The following TRAPPC12 variants were observed in gnomAD, a reference collection of about 807,000 sequenced individuals.
The protein encoded by TRAPPC12 is trafficking protein particle complex subunit 12, also known as TPR repeat protein 15.
Under a neutral mutation model 69.2 loss-of-function variants are expected in TRAPPC12, and 61 were observed. That is an observed-to-expected ratio of 0.88 (90% confidence interval 0.72 to 1.09). The LOEUF (loss-of-function observed/expected upper bound fraction) is 1.09, where lower values mean the gene tolerates loss of function less well. TRAPPC12 is among the 50% of genes least tolerant of loss of function. The pLI, the probability that TRAPPC12 is intolerant of heterozygous loss-of-function variation, is 0.00. For synonymous variants in TRAPPC12, 469 were observed against 438.9 expected (o/e 1.07, Z -0.86); for missense variants, 1,101 against 1,016.4 (o/e 1.08, Z -1.13).
chr2:3,428,929 C>A (rs541617647), intron 5 of TRAPPC12, among the ~76,000 whole-genome samples: 15 of 152,326 alleles, frequency 9.8e-5, no homozygotes, highest in Non-Finnish European at 1.9e-4. Flanking sequence ...ATCTCCACCC[C>A]CTTTTCCTCT....
intron 10 of TRAPPC12, among the ~76,000 whole-genome samples, chr2:3,478,425 G>T (rs1248929547): frequency 6.6e-6 from 1 of 152,184 alleles, no homozygotes; most frequent in Non-Finnish European, 1.5e-5. Flanking sequence ...TTGAGGTCAG[G>T]AGTTTGAGGC....
intron 4 of TRAPPC12, 143 bp from the exon 5 acceptor site, chr2:3,424,382 T>C: frequency 1.4e-6 from 1 of 706,974 alleles, no homozygotes; most frequent in Admixed American, 3.2e-5. Flanking sequence ...TACGATTGTG[T>C]AAATATGCAA....
At chr2:3,420,081 AC>A (rs1662690988) in intron 3 of TRAPPC12, among the ~76,000 whole-genome samples, 1 of 152,244 alleles carries the variant, frequency 6.6e-6, no homozygotes, top group South Asian at 2.1e-4. Flanking sequence ...AGATGTTGAT[AC>A]CAGCTTTATC....
chr2:3,399,470 C>T (rs1193345394), intron 2 of TRAPPC12, among the ~76,000 whole-genome samples: 2 of 152,188 alleles, frequency 1.3e-5, no homozygotes, highest in South Asian at 4.1e-4. Flanking sequence ...TCACCTTATG[C>T]TCTGAAAGCA....
rs575280051 is a variant in TRAPPC12 at position 3,460,154 on chromosome 2, A to G, written c.1604-109A>G. 4 of 790,636 alleles carry G rather than the reference A, an allele frequency of 5.1e-6. No individual in the cohort carries two copies. In the African/African-American group the frequency reaches 6.7e-5, roughly 13 times the overall value. 49.0% of individuals were successfully genotyped at this position (790,636 alleles called of 1,614,324 possible). A position where few individuals can be genotyped will look rare whatever the true frequency, so the allele number is the denominator to read the frequency against. ...TCCAGGCCGAAATCCAGTGGTGTTAACAAGAGGGATCTTTTAAAGTTAAAT... is the reference window on the plus strand; with the variant it reads ...TCCAGGCCGAAATCCAGTGGTGTTAGCAAGAGGGATCTTTTAAAGTTAAAT... On this transcript the variant is annotated intron_variant, in intron 7 of 11. Coordinates refer to ENST00000324266, the MANE Select transcript of TRAPPC12 (RefSeq NM_016030.6).
intron 7 of TRAPPC12, chr2:3,459,786 T>G: frequency 4.0e-6 from 1 of 252,848 alleles, no homozygotes; most frequent in South Asian, 4.1e-5. Context: ...CAGCCCATGG[T>G]CGGGAGGCAG....
chr2:3,421,528 T>G (rs1014138290), intron 3 of TRAPPC12, among the ~76,000 whole-genome samples: 1 of 152,276 alleles, frequency 6.6e-6, no homozygotes, highest in African/African-American at 2.4e-5. Flanking sequence ...AATCTTAAGA[T>G]AATCTTGCTA....
chr2:3,407,745 A>G (rs1259910436), intron 3 of TRAPPC12, among the ~76,000 whole-genome samples: 2 of 151,988 alleles, frequency 1.3e-5, no homozygotes, highest in East Asian at 1.9e-4. Flanking sequence ...GCAGTGAGCC[A>G]AGATCACGCC....
At chr2:3,464,175 TACAC>T (rs1665673293) in intron 8 of TRAPPC12, among the ~76,000 whole-genome samples, 1 of 151,226 alleles carries the variant, frequency 6.6e-6, no homozygotes, top group Non-Finnish European at 1.5e-5. Context: ...CTCACACTCA[TACAC>T]AATGCTCACA....
chr2:3,459,414 G>A (rs1048225954), intron 7 of TRAPPC12, among the ~76,000 whole-genome samples: 3 of 152,176 alleles, frequency 2.0e-5, no homozygotes, highest in Admixed American at 1.3e-4. Flanking sequence ...CTCAACCTGC[G>A]CCTTCCTCCT....
At position 3,388,063 on chromosome 2, in the gene TRAPPC12, C is replaced by T. The variant is rs764697911; in HGVS notation, c.440C>T (p.Pro147Leu). ...GTCCCAGGCAGCGAAGCCGCGCGCCCGGAGCAGGAGCCTCCCGTTGCGGAG... is the reference window on the plus strand; with the variant it reads ...GTCCCAGGCAGCGAAGCCGCGCGCCTGGAGCAGGAGCCTCCCGTTGCGGAG... ...REVPGSEAAR[P>L]EQEPPVAEPV... Residue 147 changes from proline to leucine, a missense_variant, in exon 2 of 12, where the codon CCG becomes CTG. Pro to Leu is a moderately conservative substitution (Grantham distance 98). Coordinates refer to ENST00000324266, the MANE Select transcript of TRAPPC12 (RefSeq NM_016030.6). 3 of 1,516,236 alleles carry T rather than the reference C, an allele frequency of 2.0e-6. No individual in the cohort carries two copies. The highest frequency in any genetic ancestry group is 1.8e-6 in the Non-Finnish European group (2 of 1,137,104). 93.9% of individuals were successfully genotyped at this position (1,516,236 alleles called of 1,614,324 possible).
intron 7 of TRAPPC12, chr2:3,459,993 GC>G (rs1304313616): frequency 2.0e-5 from 11 of 557,528 alleles, no homozygotes; most frequent in African/African-American, 3.8e-5. Flanking sequence ...GGACCATTTG[GC>G]CTTGTGTCTG....
chr2:3,446,691 C>T (rs1004495907), intron 6 of TRAPPC12, among the ~76,000 whole-genome samples: 4 of 152,240 alleles, frequency 2.6e-5, no homozygotes, highest in Admixed American at 6.5e-5. Flanking sequence ...TGGAGCAATG[C>T]GTCTCCACGC....
intron 8 of TRAPPC12, among the ~76,000 whole-genome samples, chr2:3,461,102 G>A (rs1393254206): frequency 6.6e-6 from 1 of 152,208 alleles, no homozygotes; most frequent in African/African-American, 2.4e-5. Flanking sequence ...CGGCTTTCAT[G>A]GGGCCAAGGT....
intron 11 of TRAPPC12, 55 bp from the exon 12 acceptor site, chr2:3,479,164 G>A: frequency 6.3e-7 from 1 of 1,581,626 alleles, no homozygotes; most frequent in Non-Finnish European, 8.6e-7. Flanking sequence ...GCCTGGAATG[G>A]GCGGGCGTCT....
intron 6 of TRAPPC12, among the ~76,000 whole-genome samples, chr2:3,445,378 C>G (rs1345392339): frequency 6.6e-6 from 1 of 152,092 alleles, no homozygotes; most frequent in African/African-American, 2.4e-5. Flanking sequence ...GAGCAAGACT[C>G]TGTCTCAAAA....
chr2:3,474,635 C>T (rs1202120743), intron 9 of TRAPPC12, among the ~76,000 whole-genome samples: 5 of 152,170 alleles, frequency 3.3e-5, no homozygotes, highest in African/African-American at 4.8e-5. Context: ...CGGGTTTCTG[C>T]GTTTATAAGT....
At chr2:3,406,394 G>A (rs1661733201) in intron 3 of TRAPPC12, among the ~76,000 whole-genome samples, 1 of 152,158 alleles carries the variant, frequency 6.6e-6, no homozygotes, top group Admixed American at 6.5e-5. Flanking sequence ...TTACAGAAGC[G>A]TGTCCTCAAA....
chr2:3,418,961 G>A (rs569190451), intron 3 of TRAPPC12, among the ~76,000 whole-genome samples: 3 of 152,186 alleles, frequency 2.0e-5, no homozygotes, highest in South Asian at 4.1e-4. Context: ...ACACCTGCTC[G>A]GCCCCTCCTC....
Sources: allele counts gnomAD v4.1 joint callset (sites outside exome capture counted in the v4.1 genomes callset), GRCh38; gene constraint gnomAD v4.1.1; transcripts MANE v1.5; gene names NCBI Gene and HGNC (gene_info 2026-07-23, HGNC 2026-07-21).